Variants in MACROD2 observed in about 807,000 individuals in gnomAD.
MACROD2 encodes ADP-ribose glycohydrolase MACROD2.
MACROD2 carries 36 observed loss-of-function variants against 70.4 expected under a neutral mutation model. The observed-to-expected ratio is 0.51, with a 90% CI of 0.39 to 0.68. The LOEUF is 0.68. Among genes scored for constraint, MACROD2 ranks in the 30% least tolerant of loss-of-function variants. The pLI, the probability that MACROD2 is intolerant of heterozygous loss-of-function variation, is 0.00. For missense variants in MACROD2, 496 were observed against 538.4 expected (o/e 0.92, Z 0.78); for synonymous variants, 172 against 178.8 (o/e 0.96, Z 0.30).
intron 13 of MACROD2, among the ~76,000 whole-genome samples, chr20:15,982,907 A>AGCC (rs201118241): frequency 0.17 from 26,388 of 152,042 alleles, 3,178 homozygotes; most frequent in African/African-American, 0.33. Flanking sequence ...CGTGGGGGCC[A>AGCC]TTTGGAAACC....
chr20:14,684,751 G>A, intron 4 of MACROD2, 92 bp from the exon 5 acceptor site: 1 of 966,870 alleles, frequency 1.0e-6, no homozygotes, highest in East Asian at 2.9e-5. Context: ...TTTACAGGAA[G>A]AACAAATTGA....
intron 5 of MACROD2, among the ~76,000 whole-genome samples, chr20:14,961,181 C>T (rs2074580292): frequency 6.6e-6 from 1 of 152,198 alleles, no homozygotes; most frequent in Non-Finnish European, 1.5e-5. Context: ...ATTAATAGCT[C>T]TGGCCATTTT....
chr20:14,989,777 A>T (rs557183395), intron 5 of MACROD2, among the ~76,000 whole-genome samples: 2 of 152,294 alleles, frequency 1.3e-5, no homozygotes, highest in South Asian at 4.1e-4. Context: ...GGTCCGTTTT[A>T]GGTCGGTCAT....
chr20:15,081,003 A>C, intron 5 of MACROD2, among the ~76,000 whole-genome samples: 1 of 151,974 alleles, frequency 6.6e-6, no homozygotes, highest in Non-Finnish European at 1.5e-5. Context: ...TTTATTGTTT[A>C]TCTACTCCAC....
intron 10 of MACROD2, chr20:15,892,972 A>G (rs1339174378): frequency 2.5e-6 from 1 of 399,040 alleles, no homozygotes; most frequent in Non-Finnish European, 4.4e-6. Context: ...AAAAAGAGCA[A>G]AGCAAAGAAG....
chr20:15,540,022 T>A (rs1344809722), intron 8 of MACROD2, among the ~76,000 whole-genome samples: 1 of 152,118 alleles, frequency 6.6e-6, no homozygotes, highest in Non-Finnish European at 1.5e-5. Flanking sequence ...GACAACACTC[T>A]CTAGACTTAG....
At chr20:15,832,531 A>G (rs1219666929) in intron 8 of MACROD2, among the ~76,000 whole-genome samples, 1 of 152,224 alleles carries the variant, frequency 6.6e-6, no homozygotes, top group East Asian at 1.9e-4. Flanking sequence ...AACTTCAGAA[A>G]AAGTACAGCC....
intron 8 of MACROD2, among the ~76,000 whole-genome samples, chr20:15,635,843 G>A (rs1200596404): frequency 1.3e-5 from 2 of 151,986 alleles, no homozygotes; most frequent in African/African-American, 2.4e-5. Context: ...CGAGGCAGGC[G>A]GATCACCTGA....
intron 8 of MACROD2, among the ~76,000 whole-genome samples, chr20:15,584,027 A>G (rs1462241113): frequency 1.3e-5 from 2 of 152,244 alleles, no homozygotes; most frequent in South Asian, 2.1e-4. Context: ...AAAATAACTA[A>G]ACTTTAAAAG....
chr20:15,220,009 G>A (rs1171537507), intron 5 of MACROD2, among the ~76,000 whole-genome samples: 3 of 91,160 alleles, frequency 3.3e-5, no homozygotes, highest in African/African-American at 1.2e-4. Context: ...TTTTTTTTCT[G>A]TTTGAGTCTT....
chr20:14,498,874 C>A (rs1198360246), intron 4 of MACROD2, among the ~76,000 whole-genome samples: 1 of 152,238 alleles, frequency 6.6e-6, no homozygotes, highest in African/African-American at 2.4e-5. Flanking sequence ...CAGCGCTCAA[C>A]ATCCTGCAGT....
intron 5 of MACROD2, among the ~76,000 whole-genome samples, chr20:15,051,134 T>G (rs1354095602): frequency 6.6e-6 from 1 of 152,146 alleles, no homozygotes; most frequent in Non-Finnish European, 1.5e-5. Flanking sequence ...ATTTAACTAA[T>G]GTAAGTATTA....
At chr20:15,564,625 A>T (rs1233746) in intron 8 of MACROD2, among the ~76,000 whole-genome samples, 146,476 of 152,270 alleles carry the variant, frequency 0.96, 70,527 homozygotes, top group Non-Finnish European at 0.98. Flanking sequence ...AAATCATGAT[A>T]TGAGGTGAAA....
At chr20:15,705,978 C>A (rs1449502271) in intron 8 of MACROD2, among the ~76,000 whole-genome samples, 1 of 152,100 alleles carries the variant, frequency 6.6e-6, no homozygotes, top group East Asian at 1.9e-4. Flanking sequence ...TTATCCAAGT[C>A]ATTTTAAAAA....
At chr20:15,160,480 A>G (rs2076340830) in intron 5 of MACROD2, among the ~76,000 whole-genome samples, 1 of 152,094 alleles carries the variant, frequency 6.6e-6, no homozygotes, top group African/African-American at 2.4e-5. Flanking sequence ...TACTAGTCAT[A>G]TTTGTCCTTT....
chr20:14,990,789 G>C (rs1294693501), intron 5 of MACROD2, among the ~76,000 whole-genome samples: 1 of 152,088 alleles, frequency 6.6e-6, no homozygotes, highest in Admixed American at 6.6e-5. Flanking sequence ...TGGGATTACA[G>C]GTGTGAGCCA....
intron 5 of MACROD2, among the ~76,000 whole-genome samples, chr20:14,968,060 G>T (rs1353599636): frequency 6.6e-6 from 1 of 152,056 alleles, no homozygotes; most frequent in African/African-American, 2.4e-5. Context: ...ATTCTGGGCT[G>T]GACAGGTAAG....
intron 10 of MACROD2, among the ~76,000 whole-genome samples, chr20:15,887,466 G>C (rs1453580929): frequency 6.6e-6 from 1 of 152,122 alleles, no homozygotes; most frequent in Non-Finnish European, 1.5e-5. Context: ...TGTCTCCTTG[G>C]TGCTTGCTGT....
intron 5 of MACROD2, among the ~76,000 whole-genome samples, chr20:14,892,007 T>TCAG (rs11471972): frequency 0.26 from 39,296 of 151,972 alleles, 5,471 homozygotes; most frequent in African/African-American, 0.35. Flanking sequence ...TTAAACATAA[T>TCAG]TTCCAATGGA....
Sources: gnomAD v4.1 joint callset for allele counts (sites outside exome capture counted in the v4.1 genomes callset) on GRCh38, gnomAD v4.1.1 for gene constraint, MANE v1.5 for transcripts, NCBI Gene and HGNC (gene_info 2026-07-23, HGNC 2026-07-21) for gene names.